The following CFAP43 variants were observed in gnomAD, a reference collection of about 807,000 sequenced individuals.
The protein encoded by CFAP43 is cilia and flagella associated protein 43, also known as cilia- and flagella-associated protein 43.
CFAP43 carries 155 observed loss-of-function variants against 218.9 expected under a neutral mutation model. The ratio of observed to expected loss-of-function variants is 0.71; its 90% CI spans 0.62 to 0.81. The LOEUF (loss-of-function observed/expected upper bound fraction) is 0.81. CFAP43 is among the 30% of genes least tolerant of loss of function. The pLI, the probability that CFAP43 is intolerant of heterozygous loss-of-function variation, is 0.00. For missense variants in CFAP43, 1,778 were observed against 1,954.3 expected (o/e 0.91, Z 1.70); for synonymous variants, 645 against 681.3 (o/e 0.95, Z 0.83).
chr10:104,211,121 G>A (rs904965572), intron 5 of CFAP43, among the ~76,000 whole-genome samples: 1 of 152,058 alleles, frequency 6.6e-6, no homozygotes, highest in Non-Finnish European at 1.5e-5. Flanking sequence ...TAGCTTAAGT[G>A]TCATCTCCCC....
At chr10:104,149,619 T>C (rs190786462) in intron 28 of CFAP43, among the ~76,000 whole-genome samples, 126 of 152,346 alleles carry the variant, frequency 8.3e-4, no homozygotes, top group Admixed American at 7.6e-3. Flanking sequence ...ACAACTATTA[T>C]CATCTTTGAA....
chr10:104,208,640 C>T (rs1329170981), intron 5 of CFAP43, among the ~76,000 whole-genome samples: 4 of 152,134 alleles, frequency 2.6e-5, no homozygotes, highest in Non-Finnish European at 5.9e-5. Flanking sequence ...TTTTTCAGTC[C>T]TCTAGAATCA....
At position 104,188,268 on chromosome 10, in the gene CFAP43, A is replaced by C; in HGVS notation, c.1687+2T>G. The C allele has an allele frequency of 6.2e-7, 1 of 1,613,330 alleles. No individual in the cohort carries two copies. The highest frequency in any genetic ancestry group is 1.7e-5 in the Admixed American group (1 of 59,878). ...AGAACTGGCTGCTTATGTTTTCCTT[A>C]CCTTGTGGCAGTAATGTAGGCAGTG... On this transcript the variant is annotated splice_donor_variant, in intron 13 of 37. Coordinates refer to ENST00000357060, the MANE Select transcript of CFAP43 (RefSeq NM_025145.7). LOFTEE classifies it high-confidence loss of function.
chr10:104,166,921 C>A (rs1018117982), intron 22 of CFAP43, among the ~76,000 whole-genome samples: 14 of 152,150 alleles, frequency 9.2e-5, no homozygotes, highest in African/African-American at 3.4e-4. Context: ...ATAGATAAAT[C>A]AAAGGAATAA....
At chr10:104,162,147 AT>A in intron 25 of CFAP43, 106 bp from the exon 26 acceptor site, 1 of 1,321,962 alleles carries the variant, frequency 7.6e-7, no homozygotes, top group Non-Finnish European at 1.1e-6. Flanking sequence ...TGCATTTGGG[AT>A]TGGGGAAGGT....
rs1324399801 is a variant in CFAP43 at position 104,131,365 on chromosome 10, A to T, written c.4797T>A (p.Ala1599=). The T allele has an allele frequency of 3.1e-6, 5 of 1,613,046 alleles. No homozygotes were observed. ...TACAGATGTCTTTTCTCTCTGAGAC[A>T]GCTACCAACTCTTCTCGTAGATTGC... ...LSCNLREELV[A]VSERKDICNA... is the part of the protein sequence containing the mutation. The change falls in exon 37 of 38, where the codon GCT becomes GCA. Residue 1599 remains alanine, a synonymous_variant. Transcript: ENST00000357060.
intron 22 of CFAP43, among the ~76,000 whole-genome samples, chr10:104,167,295 C>T (rs945036587): frequency 5.9e-5 from 9 of 152,066 alleles, no homozygotes; most frequent in Non-Finnish European, 1.2e-4. Flanking sequence ...AATACAATCC[C>T]TAGTGACAAG....
At position 104,167,744 on chromosome 10, in the gene CFAP43, GA is replaced by G. The variant is rs750821322; in HGVS notation, c.2692-8del. The G allele has an allele frequency of 3.5e-4, 561 of 1,589,780 alleles. No individual in the cohort carries two copies. The highest frequency in any genetic ancestry group is 4.5e-4 in the Non-Finnish European group (526 of 1,169,784). On this transcript the variant is annotated splice_polypyrimidine_tract_variant and splice_region_variant and intron_variant, in intron 21 of 37. Transcript: ENST00000357060. ...CACAGGGGATATGAAAACACTTGGGGAAAAAAACGCAAGACAAAATAAATCC... is the reference window on the plus strand; with the variant it reads ...CACAGGGGATATGAAAACACTTGGGGAAAAAACGCAAGACAAAATAAATCC...
chr10:104,221,184 A>G (rs571720776), intron 3 of CFAP43, among the ~76,000 whole-genome samples: 8 of 152,314 alleles, frequency 5.3e-5, no homozygotes, highest in Non-Finnish European at 1.5e-5. Flanking sequence ...CATGTTGGCC[A>G]GGCTGGTCTC....
rs190498844 is a variant in CFAP43, at chr10:104,217,912, A to G, written c.417-3486T>C. 1.1e-4 allele frequency among the ~76,000 whole-genome samples: 16 copies of G among 152,360 alleles called. No homozygotes were observed. In the East Asian group the frequency reaches 2.9e-3, roughly 28 times the overall value. ...CAGGTCTGTTTACATTTGTTGTCAA[A>G]GCTTCATAAACTATTTACATAAATG... is the stretch of plus-strand genomic sequence containing the variant. On this transcript the variant is annotated intron_variant, in intron 3 of 37. Transcript: ENST00000357060.
chr10:104,229,388 C>A (rs2091387375), intron 2 of CFAP43, among the ~76,000 whole-genome samples: 1 of 151,902 alleles, frequency 6.6e-6, no homozygotes, highest in African/African-American at 2.4e-5. Context: ...CACAGTGGCT[C>A]ACGCCTGTAA....
chr10:104,204,936 C>T lies in CFAP43; in HGVS notation c.963+1027G>A, dbSNP rs577255347. Among the ~76,000 whole-genome samples the T allele has an allele frequency of 9.2e-5, 14 of 152,188 alleles. No homozygotes were observed. The South Asian group carries it at 2.5e-3, about 27-fold the overall frequency. ...TGGCATGGAAAAACATGGTCTGGGC[C>T]GGGCGCAGTGGCTCACGCCTGTAAT... On this transcript the variant is annotated intron_variant, in intron 7 of 37. Transcript: ENST00000357060.
At chr10:104,191,789 T>C (rs1830933) in intron 12 of CFAP43, among the ~76,000 whole-genome samples, 14 of 145,878 alleles carry the variant, frequency 9.6e-5, no homozygotes, top group Non-Finnish European at 2.0e-4. Context: ...ATTGTGTGTG[T>C]GGGGGGGGGG....
At position 104,205,892 on chromosome 10, in the gene CFAP43, T is replaced by C. The variant is rs886709643; in HGVS notation, c.963+71A>G. 42 of 1,302,356 alleles carry C rather than the reference T, an allele frequency of 3.2e-5. No homozygotes were observed. The African/African-American group carries it at 6.2e-4, about 19-fold the overall frequency. The allele number at this position is 1,302,356 out of a possible 1,614,324, so 80.7% of individuals were successfully genotyped here. ...TGACATCCTAAAATATGGCTCATAA[T>C]AGTAAATGGCAACAAATGGGAATTG... On this transcript the variant is annotated intron_variant, in intron 7 of 37. Coordinates refer to ENST00000357060, the MANE Select transcript of CFAP43 (RefSeq NM_025145.7).
intron 21 of CFAP43, 149 bp downstream of exon 21, chr10:104,168,595 A>G (rs2089279343): frequency 1.6e-6 from 1 of 625,306 alleles, no homozygotes; most frequent in African/African-American, 1.8e-5. Context: ...AGACAGGGAC[A>G]CATCCAGGTG....
intron 2 of CFAP43, among the ~76,000 whole-genome samples, chr10:104,227,723 T>A (rs1589823955): frequency 6.6e-6 from 1 of 152,108 alleles, no homozygotes; most frequent in East Asian, 1.9e-4. Flanking sequence ...TTGATGTTAA[T>A]CAGTTTAAAA....
chr10:104,226,757 C>T (rs2091314203), intron 2 of CFAP43, among the ~76,000 whole-genome samples: 2 of 152,118 alleles, frequency 1.3e-5, no homozygotes, highest in Admixed American at 1.3e-4. Context: ...AGATGGCTCA[C>T]ACCTGAAATC....
In CFAP43 at chr10:104,185,020, A is replaced by C. The variant is rs1363041779; in HGVS notation, c.2137T>G (p.Trp713Gly). Reference sequence around the variant, plus strand: ...CTTACTGAATACTGTACGTACTTCCACTTTAGGTAGACAAGGGTGCCATCA... The same window carrying C: ...CTTACTGAATACTGTACGTACTTCCCCTTTAGGTAGACAAGGGTGCCATCA... ...RDDGTLVYLKWKRFGGHLASE... is the reference protein window; with the variant it reads ...RDDGTLVYLKGKRFGGHLASE... Residue 713 changes from tryptophan (W) to glycine (G), a missense_variant, in exon 16 of 38, where the codon TGG becomes GGG. Coordinates refer to ENST00000357060, the MANE Select transcript of CFAP43 (RefSeq NM_025145.7). 7 of 1,614,082 alleles carry C rather than the reference A, an allele frequency of 4.3e-6. No homozygotes were observed. The highest frequency in any genetic ancestry group is 5.9e-6 in the Non-Finnish European group (7 of 1,179,976).
intron 19 of CFAP43, among the ~76,000 whole-genome samples, chr10:104,178,158 A>C (rs2089696860): frequency 6.6e-6 from 1 of 152,236 alleles, no homozygotes; most frequent in Non-Finnish European, 1.5e-5. Context: ...GCTCTGACTT[A>C]GAAGGCAGAT....
Sources: allele counts gnomAD v4.1 joint callset (sites outside exome capture counted in the v4.1 genomes callset), GRCh38; gene constraint gnomAD v4.1.1; transcripts MANE v1.5; gene names NCBI Gene and HGNC (gene_info 2026-07-23, HGNC 2026-07-21).